Variants in EFHC1 observed in about 807,000 individuals in gnomAD.
The protein encoded by EFHC1 is EF-hand domain containing 1, also known as EF-hand domain-containing protein 1.
EFHC1 carries 53 observed loss-of-function variants against 69.9 expected under a neutral mutation model. That is an observed-to-expected ratio of 0.76 (90% CI 0.61 to 0.95). The LOEUF is 0.95. Among genes scored for constraint, EFHC1 ranks in the 40% least tolerant of loss-of-function variants. The pLI is 0.00. For synonymous variants in EFHC1, 256 were observed against 278.4 expected, an observed-to-expected ratio of 0.92 and a Z score of 0.80; for missense variants, 739 against 798.7, an observed-to-expected ratio of 0.93 and a Z score of 0.90.
In EFHC1 at chr6:52,465,095, G is replaced by A; in HGVS notation, c.1117G>A (p.Glu373Lys). ...ACCACGTATTGATGTGAGCAAGCGG[G>A]AACCACCTCCAGTAAAACAGGTAAT... ...DLPRIDVSKR[E>K]PPPVKQELPP... Residue 373 changes from glutamate (E) to lysine (K), a missense_variant, in exon 6 of 11, where the codon GAA (glutamate) becomes AAA (lysine). Physicochemically the swap from Glu to Lys is moderately conservative, Grantham distance 56. Transcript: ENST00000371068. The A allele has an allele frequency of 6.2e-7, 1 of 1,613,784 alleles. No individual in the cohort carries two copies. The highest frequency in any genetic ancestry group is 8.5e-7 in the Non-Finnish European group (1 of 1,180,016).
chr6:52,478,692 C>CA (rs757866237), intron 7 of EFHC1, among the ~76,000 whole-genome samples: 4 of 152,186 alleles, frequency 2.6e-5, no homozygotes, highest in Admixed American at 1.3e-4. Context: ...GTTTGGGCTT[C>CA]ATGGTGCTTT....
intron 7 of EFHC1, 98 bp downstream of exon 7, chr6:52,469,571 G>A: frequency 6.4e-7 from 1 of 1,554,376 alleles, no homozygotes; most frequent in Non-Finnish European, 8.8e-7. Context: ...AGCTGTCAGA[G>A]TTATGTGTTG....
intron 3 of EFHC1, among the ~76,000 whole-genome samples, chr6:52,451,802 C>G (rs946738574): frequency 6.6e-6 from 1 of 152,170 alleles, no homozygotes; most frequent in African/African-American, 2.4e-5. Flanking sequence ...GTTTGTCTTT[C>G]CTATTTTGCT....
At chr6:52,489,466 C>G (rs1401435519) in intron 9 of EFHC1, 1 of 152,160 alleles carries the variant, frequency 6.6e-6, no homozygotes, top group Non-Finnish European at 1.5e-5. Flanking sequence ...AATTTTATAA[C>G]TGTACCTTCA....
At chr6:52,440,052 T>C (rs1310881116) in intron 3 of EFHC1, among the ~76,000 whole-genome samples, 1 of 152,142 alleles carries the variant, frequency 6.6e-6, no homozygotes, top group Non-Finnish European at 1.5e-5. Context: ...CACTGAGCGT[T>C]TGACCTAATC....
At position 52,452,728 on chromosome 6, in the gene EFHC1, A is replaced by G; in HGVS notation, c.614A>G (p.Glu205Gly). 5 of 1,614,082 alleles carry G rather than the reference A, an allele frequency of 3.1e-6. No homozygotes were observed. Among genetic ancestry groups the G allele is most frequent in the Non-Finnish European group, 4.2e-6 (5 of 1,180,030 alleles). The change falls in exon 4 of 11, where the codon GAG becomes GGG. Residue 205 changes from glutamate to glycine, a missense_variant. Transcript: ENST00000371068. ...CAAGGAATTGAGTTAAATCCACCAG[A>G]GAAGATGGCTCTTGATCCTTACACT... ...ESQGIELNPP[E>G]KMALDPYTEL...
chr6:52,445,067 T>TG (rs1764749626), intron 3 of EFHC1, among the ~76,000 whole-genome samples: 1 of 147,530 alleles, frequency 6.8e-6, no homozygotes, highest in Non-Finnish European at 1.5e-5. Flanking sequence ...ATTTTCCAGT[T>TG]TTTTTTTTTT....
chr6:52,496,128 G>T lies in EFHC1; in HGVS notation c.*3787G>T. 6.1e-6 allele frequency: 1 copy of T among 164,438 alleles called. No homozygotes were observed. Among genetic ancestry groups the T allele is most frequent in the Admixed American group, 5.6e-5 (1 of 17,952 alleles). The allele number at this position is 164,438 out of a possible 1,614,324, so 10.2% of individuals were successfully genotyped here. ...GGAGCTGAGCATTACCCTGTAGCAA[G>T]CAATATTGTAGGAAGCAGAAATGAT... On this transcript the variant is annotated 3_prime_UTR_variant, in exon 11 of 11. Coordinates refer to ENST00000371068, the MANE Select transcript of EFHC1 (RefSeq NM_018100.4).
chr6:52,496,182 T>TGAAA lies in EFHC1; in HGVS notation c.*3844_*3847dup, dbSNP rs1766053305. The TGAAA allele has an allele frequency of 6.2e-6, 1 of 160,664 alleles. No homozygotes were observed. Among genetic ancestry groups the TGAAA allele is most frequent in the African/African-American group, 2.4e-5 (1 of 41,176 alleles). The allele number at this position is 160,664 out of a possible 1,614,324, so 10.0% of individuals were successfully genotyped here. A position where few individuals can be genotyped will look rare whatever the true frequency, so the allele number is the denominator to read the frequency against. On this transcript the variant is annotated 3_prime_UTR_variant, in exon 11 of 11. Transcript: ENST00000371068. ...CACTTCAAACTGGCCACCAGGGAGT[T>TGAAA]GAAAGATTCTAATACACACACACAC...
chr6:52,464,818 G>A, intron 5 of EFHC1, 77 bp from the exon 6 acceptor site: 1 of 1,277,428 alleles, frequency 7.8e-7, no homozygotes, highest in Non-Finnish European at 1.1e-6. Flanking sequence ...TCTCAAGAAT[G>A]CCTGGCAGTT....
intron 3 of EFHC1, among the ~76,000 whole-genome samples, chr6:52,442,246 A>G (rs1420637738): frequency 6.6e-6 from 1 of 152,004 alleles, no homozygotes; most frequent in African/African-American, 2.4e-5. Flanking sequence ...TTTTTCATAG[A>G]TGGCTCTGAT....
At chr6:52,457,307 T>A (rs1005590119) in intron 5 of EFHC1, among the ~76,000 whole-genome samples, 1 of 152,176 alleles carries the variant, frequency 6.6e-6, no homozygotes, top group Admixed American at 6.5e-5. Flanking sequence ...GGTGTGGGCC[T>A]GAAAAACTAA....
At chr6:52,438,240 A>G (rs1054542439) in intron 2 of EFHC1, 64 bp from the exon 3 acceptor site, 5 of 1,504,242 alleles carry the variant, frequency 3.3e-6, no homozygotes, top group Middle Eastern at 2.1e-4. Flanking sequence ...AAGGTACTTG[A>G]TATTTTTCAG....
chr6:52,453,650 A>G, intron 4 of EFHC1: 2 of 1,252,170 alleles, frequency 1.6e-6, no homozygotes, highest in Non-Finnish European at 2.0e-6. Flanking sequence ...GATTGTGTTT[A>G]TATTATTGCT....
At chr6:52,443,369 A>G (rs1332388060) in intron 3 of EFHC1, among the ~76,000 whole-genome samples, 3 of 152,212 alleles carry the variant, frequency 2.0e-5, no homozygotes, top group Non-Finnish European at 4.4e-5. Context: ...GCCCATGCCT[A>G]TGTCCTGAAT....
At chr6:52,488,560 A>G (rs1054430011) in intron 9 of EFHC1, 6 of 152,224 alleles carry the variant, frequency 3.9e-5, no homozygotes, top group African/African-American at 7.2e-5. Flanking sequence ...TTGATAGTCT[A>G]TCATGAACCC....
rs375912259 is a variant in EFHC1 at position 52,452,550 on chromosome 6, C to G, written c.574-138C>G. 4.3e-6 allele frequency: 4 copies of G among 932,782 alleles called. No individual in the cohort carries two copies. In the South Asian group the frequency reaches 4.3e-5, roughly 10 times the overall value. The allele number at this position is 932,782 out of a possible 1,614,324, so 57.8% of individuals were successfully genotyped here. A position where few individuals can be genotyped will look rare whatever the true frequency, so the allele number is the denominator to read the frequency against. The stretch of plus-strand genomic sequence containing the variant: ...CTCCTGCGTTTCAGGAGTCCTCCTA[C>G]CTCAGCCTCCCAAAGTGCTGAGATT... On this transcript the variant is annotated intron_variant, in intron 3 of 10. Transcript: ENST00000371068.
At chr6:52,477,121 G>A (rs1163485805) in intron 7 of EFHC1, among the ~76,000 whole-genome samples, 5 of 142,200 alleles carry the variant, frequency 3.5e-5, no homozygotes, top group African/African-American at 1.3e-4. Context: ...CCAACCCCCC[G>A]GTATGCCCCT....
chr6:52,447,905 ATGT>A (rs1764822659), intron 3 of EFHC1, among the ~76,000 whole-genome samples: 1 of 152,146 alleles, frequency 6.6e-6, no homozygotes, highest in Non-Finnish European at 1.5e-5. Flanking sequence ...TGAACAGCAG[ATGT>A]TGCTGCCTGA....
Sources: gnomAD v4.1 joint callset for allele counts (sites outside exome capture counted in the v4.1 genomes callset) on GRCh38, gnomAD v4.1.1 for gene constraint, MANE v1.5 for transcripts, NCBI Gene and HGNC (gene_info 2026-07-23, HGNC 2026-07-21) for gene names.